Variants in DCAF5 observed in about 807,000 individuals in gnomAD.
The protein encoded by DCAF5 is DDB1- and CUL4-associated factor 5.
DCAF5 carries 9 observed loss-of-function variants against 80.7 expected under a neutral mutation model. The observed-to-expected ratio is 0.11, with a 90% confidence interval of 0.07 to 0.19. The LOEUF is 0.19. DCAF5 is among the 10% of genes least tolerant of loss of function. The pLI is 1.00. For synonymous variants in DCAF5, 433 were observed against 461.9 expected, an observed-to-expected ratio of 0.94 and a Z score of 0.80; for missense variants, 842 against 1,205.7, an observed-to-expected ratio of 0.70 and a Z score of 4.47.
chr14:69,130,998 A>G (rs956857220), intron 1 of DCAF5, among the ~76,000 whole-genome samples: 1 of 152,200 alleles, frequency 6.6e-6, no homozygotes, highest in Non-Finnish European at 1.5e-5. Flanking sequence ...AAAAGCACTT[A>G]GCCCAGTGTG....
In DCAF5 at chr14:69,107,571, C is replaced by G. The variant is rs2040206089; in HGVS notation, c.665+8795G>C. 1.3e-5 allele frequency among the ~76,000 whole-genome samples: 2 copies of G among 152,132 alleles called. 1 individual carries two copies. The highest frequency in any genetic ancestry group is 4.2e-4 in the South Asian group (2 of 4,816). On this transcript the variant is annotated intron_variant, in intron 5 of 8. Coordinates refer to ENST00000341516, the MANE Select transcript of DCAF5 (RefSeq NM_003861.3). The stretch of plus-strand genomic sequence containing the variant: ...CAGTGACCTGGTGTCCTCCAGTGGG[C>G]AAAACTGATTCTACACCTCCACCTT...
intron 1 of DCAF5, among the ~76,000 whole-genome samples, chr14:69,142,321 C>G (rs2041402247): frequency 6.6e-6 from 1 of 152,136 alleles, no homozygotes; most frequent in Admixed American, 6.5e-5. Context: ...GATCAGGTAA[C>G]TAAAGTGACA....
chr14:69,104,579 G>C (rs2040068832), intron 5 of DCAF5, among the ~76,000 whole-genome samples: 1 of 152,044 alleles, frequency 6.6e-6, no homozygotes, highest in East Asian at 1.9e-4. Context: ...GAGATGGCCG[G>C]GTGGGGTGGC....
chr14:69,112,606 CA>C (rs965560121), intron 5 of DCAF5, among the ~76,000 whole-genome samples: 27 of 148,102 alleles, frequency 1.8e-4, no homozygotes, highest in African/African-American at 5.1e-4. Context: ...CACACACACA[CA>C]CACACACACA....
chr14:69,102,082 A>G (rs1011074010), intron 5 of DCAF5, among the ~76,000 whole-genome samples: 1 of 151,746 alleles, frequency 6.6e-6, no homozygotes, highest in African/African-American at 2.4e-5. Flanking sequence ...TTCTTTCTGC[A>G]ATAATTAACC....
At chr14:69,124,748 C>T (rs2040825559) in intron 1 of DCAF5, among the ~76,000 whole-genome samples, 1 of 152,178 alleles carries the variant, frequency 6.6e-6, no homozygotes, top group African/African-American at 2.4e-5. Context: ...TGGTTTTCCA[C>T]ACTGCAAACA....
intron 1 of DCAF5, among the ~76,000 whole-genome samples, chr14:69,140,746 CTT>C (rs900634639): frequency 2.0e-5 from 3 of 151,848 alleles, no homozygotes; most frequent in African/African-American, 7.3e-5. Flanking sequence ...CGGTTTCAGC[CTT>C]TTTTTTCCCT....
intron 1 of DCAF5, among the ~76,000 whole-genome samples, chr14:69,128,192 T>TC (rs1491415026): frequency 6.9e-6 from 1 of 145,470 alleles, no homozygotes; most frequent in African/African-American, 2.7e-5. Context: ...TTTTTCTTCT[T>TC]CTTTTTTTTT....
intron 6 of DCAF5, among the ~76,000 whole-genome samples, chr14:69,082,496 AAC>A (rs1260614040): frequency 6.6e-6 from 1 of 152,160 alleles, no homozygotes; most frequent in Non-Finnish European, 1.5e-5. Flanking sequence ...GGCAGCCAAT[AAC>A]AGTCAAATAA....
intron 1 of DCAF5, among the ~76,000 whole-genome samples, chr14:69,124,388 ACAG>A: frequency 6.6e-6 from 1 of 152,208 alleles, no homozygotes; most frequent in East Asian, 1.9e-4. Context: ...ACTTTTTGCC[ACAG>A]CAGATTTCTT....
rs186261877 is a variant in DCAF5 at position 69,077,640 on chromosome 14, T to C, written c.880-2229A>G. 1.1e-3 allele frequency among the ~76,000 whole-genome samples: 160 copies of C among 152,098 alleles called. 2 individuals carry two copies. Among genetic ancestry groups the C allele is most frequent in the Middle Eastern group, 3.4e-3 (1 of 294 alleles). On this transcript the variant is annotated intron_variant, in intron 6 of 8. Coordinates refer to ENST00000341516, the MANE Select transcript of DCAF5 (RefSeq NM_003861.3). ...GGATCCTCCTGCCTCAGCCTCCCAATGTGTTGGGATTATAGGAATAGGCTA... is the reference window on the plus strand; with the variant it reads ...GGATCCTCCTGCCTCAGCCTCCCAACGTGTTGGGATTATAGGAATAGGCTA...
chr14:69,070,426 C>A (rs1468491948), intron 7 of DCAF5, among the ~76,000 whole-genome samples: 1 of 152,122 alleles, frequency 6.6e-6, no homozygotes, highest in Non-Finnish European at 1.5e-5. Context: ...CAGAAAGCTT[C>A]CAAGATTATT....
intron 5 of DCAF5, among the ~76,000 whole-genome samples, chr14:69,102,614 A>C (rs1233959373): frequency 6.8e-6 from 1 of 146,668 alleles, no homozygotes; most frequent in Non-Finnish European, 1.5e-5. Context: ...ACACACACAC[A>C]CACACATATT....
chr14:69,062,275 T>C (rs890663076), intron 8 of DCAF5, 109 bp downstream of exon 8: 4 of 1,164,358 alleles, frequency 3.4e-6, no homozygotes, highest in African/African-American at 3.1e-5. Context: ...AGAATTCTGA[T>C]AGACCTTTAG....
At chr14:69,135,831 G>A (rs921525303) in intron 1 of DCAF5, among the ~76,000 whole-genome samples, 1 of 152,112 alleles carries the variant, frequency 6.6e-6, no homozygotes, top group Non-Finnish European at 1.5e-5. Flanking sequence ...GTCAAGATTT[G>A]GAAAACCTGA....
intron 8 of DCAF5, among the ~76,000 whole-genome samples, chr14:69,061,073 A>G (rs2038197925): frequency 6.6e-6 from 1 of 151,822 alleles, no homozygotes; most frequent in Non-Finnish European, 1.5e-5. Flanking sequence ...TGGTGGGAAC[A>G]TGGTTCACTG....
chr14:69,061,480 T>G (rs531646099), intron 8 of DCAF5, among the ~76,000 whole-genome samples: 1 of 152,322 alleles, frequency 6.6e-6, no homozygotes, highest in East Asian at 1.9e-4. Flanking sequence ...CAGGCCAGGC[T>G]AGGACCCACT....
At chr14:69,133,756 G>T (rs900983615) in intron 1 of DCAF5, among the ~76,000 whole-genome samples, 2 of 152,136 alleles carry the variant, frequency 1.3e-5, no homozygotes, top group Non-Finnish European at 2.9e-5. Flanking sequence ...GAGGTAAGTA[G>T]AACAGAAACA....
At chr14:69,143,587 C>T (rs1307107214) in intron 1 of DCAF5, among the ~76,000 whole-genome samples, 1 of 116,024 alleles carries the variant, frequency 8.6e-6, no homozygotes, top group Non-Finnish European at 1.7e-5. Flanking sequence ...TTACAAACAG[C>T]AATGTCTCAG....
Sources: allele counts gnomAD v4.1 joint callset (sites outside exome capture counted in the v4.1 genomes callset), GRCh38; gene constraint gnomAD v4.1.1; transcripts MANE v1.5; gene names NCBI Gene and HGNC (gene_info 2026-07-23, HGNC 2026-07-21).